The following ENOX1 variants were observed in gnomAD, a reference collection of about 807,000 sequenced individuals.
The protein encoded by ENOX1 is candidate growth-related and time keeping constitutive hydroquinone (NADH) oxidase.
A neutral mutation model predicts 82.5 loss-of-function variants in ENOX1; 42 were observed. The ratio of observed to expected loss-of-function variants is 0.51; its 90% CI spans 0.40 to 0.66. The LOEUF (loss-of-function observed/expected upper bound fraction) is 0.66, where lower values mean the gene tolerates loss of function less well. ENOX1 is among the 30% of genes least tolerant of loss of function. The pLI is 0.00. For synonymous variants in ENOX1, 271 were observed against 282.2 expected (o/e 0.96, Z 0.40); for missense variants, 608 against 811.6 (o/e 0.75, Z 3.05).
intron 1 of ENOX1, among the ~76,000 whole-genome samples, chr13:43,771,172 A>C (rs1951573598): frequency 6.6e-6 from 1 of 152,190 alleles, no homozygotes; most frequent in African/African-American, 2.4e-5. Flanking sequence ...TCCCAAAAAG[A>C]GAGAATCCAA....
At chr13:43,659,761 T>C (rs986697072) in intron 2 of ENOX1, among the ~76,000 whole-genome samples, 1 of 152,088 alleles carries the variant, frequency 6.6e-6, no homozygotes, top group Non-Finnish European at 1.5e-5. Flanking sequence ...AGTTCTATTT[T>C]TAGGTTAGAG....
chr13:43,321,773 C>T (rs1221751161), intron 11 of ENOX1, among the ~76,000 whole-genome samples: 2 of 152,162 alleles, frequency 1.3e-5, no homozygotes, highest in African/African-American at 4.8e-5. Flanking sequence ...TTTCCCTTGC[C>T]TGTTTTTACA....
chr13:43,350,297 G>A (rs1016664880), intron 8 of ENOX1, among the ~76,000 whole-genome samples: 23 of 152,218 alleles, frequency 1.5e-4, no homozygotes, highest in Admixed American at 3.9e-4. Flanking sequence ...TGATTTCACC[G>A]CCACAGTATT....
chr13:43,229,059 A>G (rs971970671), intron 15 of ENOX1, among the ~76,000 whole-genome samples: 3 of 152,154 alleles, frequency 2.0e-5, no homozygotes, highest in African/African-American at 4.8e-5. Context: ...GTTTCCCCAT[A>G]CTGTTCTCAT....
rs113274355 is a variant in ENOX1 at position 43,416,860 on chromosome 13, C to T, written c.-74-3872G>A. Among the ~76,000 whole-genome samples the T allele has an allele frequency of 1.1e-3, 174 of 152,266 alleles. 2 individuals are homozygous for T. The highest frequency in any genetic ancestry group is 3.6e-3 in the African/African-American group (150 of 41,552). On this transcript the variant is annotated intron_variant, in intron 3 of 16. Coordinates refer to ENST00000690772, the MANE Select transcript of ENOX1 (RefSeq NM_001347969.2). ...AGCACTTTTGGAGGCCAAGGCAGGC[C>T]GCTGGGAGGTGGAGGTTGTAGCAAG... is the stretch of plus-strand genomic sequence containing the variant.
chr13:43,769,081 T>G lies in ENOX1; in HGVS notation c.-285+17571A>C, dbSNP rs534761725. On this transcript the variant is annotated intron_variant, in intron 1 of 16. Coordinates refer to ENST00000690772, the MANE Select transcript of ENOX1 (RefSeq NM_001347969.2). ...AAAGGAAGGTGTTCAGAACTCTTGC[T>G]GCTTCTATTTACCAGCTATCACAGT... 8.5e-5 allele frequency among the ~76,000 whole-genome samples: 13 copies of G among 152,382 alleles called. No homozygotes were observed. The South Asian group carries it at 2.1e-3, about 24-fold the overall frequency.
intron 2 of ENOX1, among the ~76,000 whole-genome samples, chr13:43,565,559 G>C (rs1211502489): frequency 2.6e-5 from 4 of 152,072 alleles, no homozygotes; most frequent in Admixed American, 1.3e-4. Context: ...AGGATAACCA[G>C]GGTGGTCACA....
intron 11 of ENOX1, among the ~76,000 whole-genome samples, chr13:43,302,768 T>C (rs1159149517): frequency 6.6e-6 from 1 of 152,220 alleles, no homozygotes; most frequent in African/African-American, 2.4e-5. Flanking sequence ...TGGGAACAGA[T>C]AATGCCATGC....
intron 1 of ENOX1, among the ~76,000 whole-genome samples, chr13:43,780,343 T>C (rs1952193342): frequency 6.6e-6 from 1 of 152,096 alleles, no homozygotes; most frequent in Non-Finnish European, 1.5e-5. Flanking sequence ...TCCCTATGTA[T>C]TAAAATAGTA....
At chr13:43,430,820 TA>T (rs555151130) in intron 3 of ENOX1, among the ~76,000 whole-genome samples, 1 of 152,222 alleles carries the variant, frequency 6.6e-6, no homozygotes, top group African/African-American at 2.4e-5. Flanking sequence ...GTGTAGCAGT[TA>T]AAAAAATTGC....
At chr13:43,619,824 T>A (rs1484869755) in intron 2 of ENOX1, among the ~76,000 whole-genome samples, 2 of 152,120 alleles carry the variant, frequency 1.3e-5, no homozygotes, top group Non-Finnish European at 2.9e-5. Flanking sequence ...TCAAAAGGAT[T>A]GGGTATCAAT....
chr13:43,512,894 G>A (rs1257823463), intron 2 of ENOX1, among the ~76,000 whole-genome samples: 2 of 152,010 alleles, frequency 1.3e-5, no homozygotes, highest in Non-Finnish European at 2.9e-5. Context: ...TATTTATTAA[G>A]CACCTAAGAT....
chr13:43,705,495 T>C (rs1489998520), intron 1 of ENOX1, among the ~76,000 whole-genome samples: 1 of 151,572 alleles, frequency 6.6e-6, no homozygotes, highest in Non-Finnish European at 1.5e-5. Context: ...AAAAAATACA[T>C]CAAATATTCC....
At chr13:43,384,624 G>A (rs1425030492) in intron 5 of ENOX1, among the ~76,000 whole-genome samples, 1 of 152,188 alleles carries the variant, frequency 6.6e-6, no homozygotes, top group Non-Finnish European at 1.5e-5. Context: ...TTTCCGCTAT[G>A]CCATGCACCT....
intron 2 of ENOX1, among the ~76,000 whole-genome samples, chr13:43,608,251 G>A (rs780116192): frequency 2.6e-5 from 4 of 152,042 alleles, no homozygotes; most frequent in Admixed American, 6.6e-5. Context: ...TAAGAACACC[G>A]GACTTTAAAC....
intron 2 of ENOX1, among the ~76,000 whole-genome samples, chr13:43,549,382 A>C (rs2079095217): frequency 6.6e-6 from 1 of 152,260 alleles, no homozygotes; most frequent in Non-Finnish European, 1.5e-5. Flanking sequence ...TCAGACAAGA[A>C]TAGCAAAATA....
Position 43,786,477 on chromosome 13 carries a change from C to T in ENOX1, c.-285+175G>A, listed in dbSNP as rs1381441732. Reference sequence around the variant, plus strand: ...GAAGGGCGTGGGGGCTGCACCGAAGCCCCCACGCGTCCACGCACCCCTCCT... The same window carrying T: ...GAAGGGCGTGGGGGCTGCACCGAAGTCCCCACGCGTCCACGCACCCCTCCT... On this transcript the variant is annotated intron_variant, in intron 1 of 16. Transcript: ENST00000690772. This position sits in a 1 kb window ranked among gnomAD's most constrained non-coding sequence, Gnocchi z 6.0. Among the ~76,000 whole-genome samples, 1 of 151,786 alleles carries T rather than the reference C, an allele frequency of 6.6e-6. No homozygotes were observed. The highest frequency in any genetic ancestry group is 1.5e-5 in the Non-Finnish European group (1 of 67,862).
intron 2 of ENOX1, among the ~76,000 whole-genome samples, chr13:43,562,128 A>G (rs1316101835): frequency 6.6e-6 from 1 of 152,178 alleles, no homozygotes; most frequent in Admixed American, 6.5e-5. Flanking sequence ...TTGAGTAGAA[A>G]GATGAAAAAA....
At chr13:43,471,627 G>T (rs939710553) in intron 3 of ENOX1, among the ~76,000 whole-genome samples, 10 of 152,056 alleles carry the variant, frequency 6.6e-5, no homozygotes, top group African/African-American at 2.4e-4. Flanking sequence ...TGGCTAACAT[G>T]GTGAAAGCCC....
Sources: gnomAD v4.1 joint callset for allele counts (sites outside exome capture counted in the v4.1 genomes callset) on GRCh38, gnomAD v4.1.1 for gene constraint, Gnocchi (gnomAD v3.1) non-coding constraint, MANE v1.5 for transcripts, NCBI Gene and HGNC (gene_info 2026-07-23, HGNC 2026-07-21) for gene names.